Variants in WDFY3 observed in about 807,000 individuals in gnomAD.
The protein encoded by WDFY3 is WD repeat and FYVE domain-containing protein 3.
WDFY3 carries 66 observed loss-of-function variants against 409.6 expected under a neutral mutation model. That is an observed-to-expected ratio of 0.16 (90% confidence interval 0.13 to 0.20). The LOEUF (loss-of-function observed/expected upper bound fraction) is 0.20, where lower values mean the gene tolerates loss of function less well. WDFY3 is among the 10% of genes least tolerant of loss of function. The pLI, the probability that WDFY3 is intolerant of heterozygous loss-of-function variation, is 1.00. For synonymous variants in WDFY3, 1,521 were observed against 1,537.1 expected, an observed-to-expected ratio of 0.99 and a Z score of 0.25; for missense variants, 3,031 against 4,298.1, an observed-to-expected ratio of 0.71 and a Z score of 8.24.
At chr4:84,811,906 A>C (rs1169061282) in intron 13 of WDFY3, among the ~76,000 whole-genome samples, 2 of 152,192 alleles carry the variant, frequency 1.3e-5, no homozygotes, top group African/African-American at 4.8e-5. Context: ...TACCTTATAC[A>C]CATAGCCTGA....
At chr4:84,863,046 T>C (rs1460041931) in intron 3 of WDFY3, among the ~76,000 whole-genome samples, 2 of 152,252 alleles carry the variant, frequency 1.3e-5, no homozygotes, top group African/African-American at 2.4e-5. Context: ...CACTTCCTTT[T>C]ATAAGGACGA....
At chr4:84,749,472 T>G (rs1371665790) in intron 36 of WDFY3, among the ~76,000 whole-genome samples, 1 of 152,192 alleles carries the variant, frequency 6.6e-6, no homozygotes, top group Non-Finnish European at 1.5e-5. Flanking sequence ...ACACTAAGCC[T>G]TACTTAATGT....
intron 21 of WDFY3, among the ~76,000 whole-genome samples, chr4:84,791,383 C>T (rs1160030611): frequency 1.3e-5 from 2 of 152,026 alleles, no homozygotes; most frequent in Non-Finnish European, 2.9e-5. Context: ...AAATGTTGGT[C>T]GCCAAGGGCT....
intron 5 of WDFY3, among the ~76,000 whole-genome samples, chr4:84,847,664 C>T (rs1360519683): frequency 1.4e-5 from 2 of 147,508 alleles, no homozygotes. Flanking sequence ...GTCCCAGCTA[C>T]CCAGGAGGCT....
chr4:84,705,408 C>T lies in WDFY3; in HGVS notation c.8321G>A (p.Trp2774Ter). The T allele has an allele frequency of 6.2e-7, 1 of 1,613,368 alleles. No homozygotes were observed. The highest frequency in any genetic ancestry group is 8.5e-7 in the Non-Finnish European group (1 of 1,179,584). The change falls in exon 54 of 68, where the codon TGG becomes TAG. Residue 2774 changes from tryptophan (W) to a stop codon, truncating the protein, a stop_gained. Transcript: ENST00000295888. LOFTEE classifies it high-confidence loss of function. ...AAGTTCCTTACCATTAGGATCCTCC[C>T]AGTCTTTATACCGCTTCTTATACTG... ...LAQYKKRYKDWEDPNGETPAY... is the reference protein window; with the variant it reads ...LAQYKKRYKD
chr4:84,682,732 A>C, intron 63 of WDFY3: 1 of 368,306 alleles, frequency 2.7e-6, no homozygotes. Flanking sequence ...CTATAATCCC[A>C]GCACTTTGGG....
At chr4:84,743,639 C>A in intron 37 of WDFY3, 61 bp downstream of exon 37, 2 of 1,337,846 alleles carry the variant, frequency 1.5e-6, no homozygotes, top group East Asian at 2.6e-5. Flanking sequence ...AGTAGTTTTA[C>A]TTGGGGCTTA....
chr4:84,933,269 T>C (rs1466290662), intron 1 of WDFY3, among the ~76,000 whole-genome samples: 1 of 152,186 alleles, frequency 6.6e-6, no homozygotes. Flanking sequence ...TTGCCTTCAA[T>C]AGACAGGTAA....
At chr4:84,884,397 T>C (rs1227929385) in intron 3 of WDFY3, among the ~76,000 whole-genome samples, 1 of 152,106 alleles carries the variant, frequency 6.6e-6, no homozygotes, top group Non-Finnish European at 1.5e-5. Context: ...ATATATACAC[T>C]TGTACTCTCA....
In WDFY3 at chr4:84,711,025, C is replaced by T. The variant is rs115116605; in HGVS notation, c.8043-1678G>A. On this transcript the variant is annotated intron_variant, in intron 51 of 67. Coordinates refer to ENST00000295888, the MANE Select transcript of WDFY3 (RefSeq NM_014991.6). ...CACAAAGTATTTAGATGCACACAGA[C>T]TGGAATCAAATTTATTTACAAATTA... Among the ~76,000 whole-genome samples the T allele has an allele frequency of 4.1e-3, 626 of 152,302 alleles. 4 individuals are homozygous for T. The highest frequency in any genetic ancestry group is 0.014 in the African/African-American group (585 of 41,558).
At chr4:84,940,702 C>T (rs1036351354) in intron 1 of WDFY3, among the ~76,000 whole-genome samples, 1 of 151,830 alleles carries the variant, frequency 6.6e-6, no homozygotes, top group Non-Finnish European at 1.5e-5. Context: ...ATATCAAAAC[C>T]AGACAAAGAG....
Position 84,737,164 on chromosome 4 carries a change from A to G in WDFY3, c.6757+20T>C. 6.2e-7 allele frequency: 1 copy of G among 1,613,702 alleles called. No homozygotes were observed. The highest frequency in any genetic ancestry group is 8.5e-7 in the Non-Finnish European group (1 of 1,179,824). ...AGCCACATGTAAATCTCCTGGTGGT[A>G]TGATCTCTGTAGGCCTTACCCAAAT... On this transcript the variant is annotated intron_variant, in intron 41 of 67. Transcript: ENST00000295888.
chr4:84,680,436 C>T (rs983456858), intron 64 of WDFY3, among the ~76,000 whole-genome samples: 1 of 152,222 alleles, frequency 6.6e-6, no homozygotes, highest in African/African-American at 2.4e-5. Flanking sequence ...ACCACACGTG[C>T]ATGCCACAAC....
intron 53 of WDFY3, among the ~76,000 whole-genome samples, chr4:84,706,483 G>A (rs957482191): frequency 2.0e-5 from 3 of 150,182 alleles, no homozygotes; most frequent in African/African-American, 4.9e-5. Context: ...TTGACCCTAC[G>A]ATTGAGTAGG....
In WDFY3 at chr4:84,797,801, G is replaced by A. The variant is rs1040168882; in HGVS notation, c.2935+195C>T. On this transcript the variant is annotated intron_variant, in intron 18 of 67. Transcript: ENST00000295888. ...GGTTTCACCATGGTCTCGAACTCCC[G>A]ACCTCGTGATCCGCCCGTCTCGGCC... 5.3e-5 allele frequency among the ~76,000 whole-genome samples: 8 copies of A among 151,984 alleles called. No homozygotes were observed. In the East Asian group the frequency reaches 5.8e-4, roughly 11 times the overall value.
chr4:84,739,263 G>A (rs772265268), intron 39 of WDFY3, 144 bp from the exon 40 acceptor site: 81 of 722,798 alleles, frequency 1.1e-4, no homozygotes, highest in Non-Finnish European at 1.6e-4. Context: ...AGTTTGCCAG[G>A]AAGATGCCAT....
At chr4:84,957,258 C>CAAAAA (rs149018066) in intron 1 of WDFY3, among the ~76,000 whole-genome samples, 6 of 59,354 alleles carry the variant, frequency 1.0e-4, no homozygotes, top group Admixed American at 1.8e-4. Flanking sequence ...TTTCATATAC[C>CAAAAA]AAAAAAAAAA....
At chr4:84,922,881 A>G (rs368067069) in intron 2 of WDFY3, among the ~76,000 whole-genome samples, 2 of 152,176 alleles carry the variant, frequency 1.3e-5, no homozygotes, top group South Asian at 4.1e-4. Context: ...CACCACACCC[A>G]GCCAAGGAAT....
At chr4:84,922,480 A>C (rs2150874600) in intron 2 of WDFY3, among the ~76,000 whole-genome samples, 1 of 152,318 alleles carries the variant, frequency 6.6e-6, no homozygotes, top group Admixed American at 6.5e-5. Context: ...TTAAATTGTA[A>C]GTGTGAGTAG....
Sources: allele counts gnomAD v4.1 joint callset (sites outside exome capture counted in the v4.1 genomes callset), GRCh38; gene constraint gnomAD v4.1.1; transcripts MANE v1.5; gene names NCBI Gene and HGNC (gene_info 2026-07-23, HGNC 2026-07-21).